CHLSN: variants seen among roughly 807,000 people sequenced by gnomAD.
CHLSN encodes cholesin.
chr7:1,011,422 C>T, the CHLSN span, among the ~76,000 whole-genome samples: 4 of 91,418 alleles, frequency 4.4e-5, no homozygotes, highest in African/African-American at 8.0e-5. Context: ...CCCACAGACA[C>T]CCAGAAACAC....
At chr7:1,026,521 C>T in the CHLSN span, 1 of 152,246 alleles carries the variant, frequency 6.6e-6, no homozygotes. Context: ...CTAAGACAGG[C>T]AGGCAGCTCC....
At chr7:1,075,367 CG>C in the CHLSN span, among the ~76,000 whole-genome samples, 206 of 151,724 alleles carry the variant, frequency 1.4e-3, no homozygotes, top group African/African-American at 4.9e-3. Context: ...AAAAATTAGC[CG>C]GGGAAAAATA....
At chr7:1,135,720 G>A in the CHLSN span, among the ~76,000 whole-genome samples, 29 of 149,356 alleles carry the variant, frequency 1.9e-4, no homozygotes, top group East Asian at 4.7e-3. Context: ...AGCCGAGATC[G>A]CGCCACTGCA....
chr7:1,049,357 T>C, the CHLSN span, among the ~76,000 whole-genome samples: 1 of 152,228 alleles, frequency 6.6e-6, no homozygotes, highest in Admixed American at 6.5e-5. Flanking sequence ...CGGCACCCTC[T>C]TGTGCTTCAC....
chr7:1,084,749 G>A, the CHLSN span, among the ~76,000 whole-genome samples: 1 of 152,242 alleles, frequency 6.6e-6, no homozygotes, highest in South Asian at 2.1e-4. Context: ...GGTTAGAGAC[G>A]TTGCCCGGTA....
the CHLSN span, chr7:986,883 C>A: frequency 7.1e-7 from 1 of 1,400,706 alleles, no homozygotes; most frequent in Non-Finnish European, 9.4e-7. Flanking sequence ...GGGGTCCATA[C>A]CGGTCCTGCA....
the CHLSN span, chr7:987,363 G>A: frequency 1.3e-6 from 2 of 1,589,756 alleles, no homozygotes. Flanking sequence ...TGCAGGAGGA[G>A]CTAGACCGCG....
At chr7:1,041,308 G>GCTCT in the CHLSN span, among the ~76,000 whole-genome samples, 357 of 121,164 alleles carry the variant, frequency 2.9e-3, 40 homozygotes, top group Admixed American at 8.6e-3. Flanking sequence ...GGGGACCTGG[G>GCTCT]GTCCGCGCTG....
the CHLSN span, chr7:1,028,599 C>T: frequency 6.1e-6 from 6 of 984,322 alleles, no homozygotes; most frequent in Admixed American, 6.2e-5. Context: ...GAGGGCGCAC[C>T]CCCGCCCGCG....
the CHLSN span, chr7:1,056,230 A>G: frequency 0.11 from 17,666 of 153,622 alleles, 1,248 homozygotes; most frequent in Middle Eastern, 0.25. Context: ...GTTAGTGAGG[A>G]GCTAGACAAG....
chr7:1,033,829 C>A, the CHLSN span, among the ~76,000 whole-genome samples: 1 of 152,082 alleles, frequency 6.6e-6, no homozygotes, highest in African/African-American at 2.4e-5. Context: ...GGAGGAGACA[C>A]CCAGGAAATC....
the CHLSN span, among the ~76,000 whole-genome samples, chr7:1,048,585 G>C: frequency 1.3e-5 from 2 of 152,116 alleles, no homozygotes; most frequent in African/African-American, 4.8e-5. Flanking sequence ...ATCAAAGTTA[G>C]CCCCGGGTTT....
the CHLSN span, among the ~76,000 whole-genome samples, chr7:1,117,830 C>T: frequency 2.6e-5 from 4 of 152,360 alleles, no homozygotes; most frequent in Middle Eastern, 3.4e-3. Flanking sequence ...ATCACCCACA[C>T]GCCTTTTTCA....
At chr7:1,134,288 G>A in the CHLSN span, among the ~76,000 whole-genome samples, 2 of 150,764 alleles carry the variant, frequency 1.3e-5, no homozygotes, top group African/African-American at 4.9e-5. Context: ...AGGGTGGGGG[G>A]CAAGGCTGAG....
chr7:1,001,293 G>A, the CHLSN span, among the ~76,000 whole-genome samples: 8 of 152,192 alleles, frequency 5.3e-5, no homozygotes, highest in South Asian at 2.1e-4. Context: ...TGTTGTGAGC[G>A]CTGCCCAGCT....
At chr7:985,418 CT>C in the CHLSN span, 1 of 1,333,588 alleles carries the variant, frequency 7.5e-7, no homozygotes, top group Non-Finnish European at 1.0e-6. Context: ...CCCCTCTCAG[CT>C]TCTCGGCCCT....
the CHLSN span, among the ~76,000 whole-genome samples, chr7:981,760 G>T: frequency 1.3e-5 from 2 of 152,214 alleles, no homozygotes; most frequent in South Asian, 4.1e-4. Flanking sequence ...AGGTGCAGTG[G>T]CTTACACCTG....
At chr7:994,851 G>A in the CHLSN span, among the ~76,000 whole-genome samples, 6 of 152,206 alleles carry the variant, frequency 3.9e-5, no homozygotes, top group South Asian at 4.1e-4. Flanking sequence ...ACAGCCCATC[G>A]CTTATGGCCT....
chr7:1,038,489 A>C, the CHLSN span, among the ~76,000 whole-genome samples: 259 of 61,132 alleles, frequency 4.2e-3, no homozygotes, highest in African/African-American at 6.6e-3. Context: ...GTGGGGGGGT[A>C]AGCCCCCCGC....
Sources: gnomAD v4.1 joint callset for allele counts (sites outside exome capture counted in the v4.1 genomes callset) on GRCh38, gnomAD v4.1.1 for gene constraint, MANE v1.5 for transcripts, NCBI Gene and HGNC (gene_info 2026-07-23, HGNC 2026-07-21) for gene names.